SLC44A5: variants seen among roughly 807,000 people sequenced by gnomAD.
SLC44A5 encodes solute carrier family 44 member 5, also known as choline transporter-like protein 5.
SLC44A5 carries 57 observed loss-of-function variants against 101.8 expected under a neutral mutation model. The observed-to-expected ratio is 0.56, with a 90% CI of 0.45 to 0.70. SLC44A5 has a LOEUF of 0.70. Ranked by LOEUF, SLC44A5 falls within the 30% of genes least tolerant of loss-of-function variation. The probability of loss-of-function intolerance (pLI) is 0.00; values close to 1 mark genes in which losing one functional copy is unlikely to be tolerated. For synonymous variants in SLC44A5, 281 were observed against 290.9 expected (o/e 0.97, Z 0.35); for missense variants, 737 against 853.1 (o/e 0.86, Z 1.70).
In SLC44A5 at chr1:75,251,182, A is replaced by G. The variant is rs779872159; in HGVS notation, c.345+28T>C. On this transcript the variant is annotated intron_variant, in intron 7 of 23. Transcript: ENST00000370859. The stretch of plus-strand genomic sequence containing the variant: ...TCCAAGAATGTTCAGAACGGCTGAC[A>G]CTACCAGTGAGGCACCTTTTGCCTT... The G allele has an allele frequency of 4.6e-6, 7 of 1,535,996 alleles. No individual in the cohort carries two copies. In the African/African-American group the frequency reaches 9.5e-5, roughly 21 times the overall value.
chr1:75,690,503 G>T, the SLC44A5 span, among the ~76,000 whole-genome samples: 3 of 152,142 alleles, frequency 2.0e-5, no homozygotes, highest in Admixed American at 6.6e-5. Context: ...CAAGGTGGCT[G>T]CAGAACAATA....
At chr1:75,365,716 G>A (rs1258961206) in intron 3 of SLC44A5, among the ~76,000 whole-genome samples, 3 of 152,152 alleles carry the variant, frequency 2.0e-5, no homozygotes, top group African/African-American at 7.2e-5. Flanking sequence ...CATAAAAAAT[G>A]AGTTCTTGTT....
chr1:75,243,579 G>A (rs1648848251), intron 7 of SLC44A5, among the ~76,000 whole-genome samples: 1 of 152,046 alleles, frequency 6.6e-6, no homozygotes, highest in African/African-American at 2.4e-5. Flanking sequence ...TTGATTTTGA[G>A]ATAATTGTAA....
chr1:75,519,311 A>G (rs1035894428), intron 2 of SLC44A5, among the ~76,000 whole-genome samples: 2 of 152,116 alleles, frequency 1.3e-5, no homozygotes, highest in Admixed American at 6.5e-5. Context: ...TAATCCCAAC[A>G]CTTTGAGAGG....
the SLC44A5 span, among the ~76,000 whole-genome samples, chr1:75,658,888 C>A: frequency 6.6e-6 from 1 of 151,700 alleles, no homozygotes; most frequent in Admixed American, 6.6e-5. Flanking sequence ...TTTAGACTAA[C>A]AAAAACTAAA....
chr1:75,248,053 G>T (rs1649265240), intron 7 of SLC44A5, among the ~76,000 whole-genome samples: 1 of 152,050 alleles, frequency 6.6e-6, no homozygotes, highest in South Asian at 2.1e-4. Flanking sequence ...TAAGCAATTT[G>T]TCTTCTAGTA....
intron 8 of SLC44A5, 43 bp downstream of exon 8, chr1:75,242,843 A>G (rs1197494622): frequency 6.5e-7 from 1 of 1,533,800 alleles, no homozygotes; most frequent in Non-Finnish European, 8.8e-7. Flanking sequence ...GATTGAAAAA[A>G]AAAGTTAAAT....
At chr1:75,715,194 A>G in the SLC44A5 span, among the ~76,000 whole-genome samples, 1 of 152,222 alleles carries the variant, frequency 6.6e-6, no homozygotes, top group African/African-American at 2.4e-5. Flanking sequence ...AGGAAGAATC[A>G]ATATTGTTAG....
intron 3 of SLC44A5, among the ~76,000 whole-genome samples, chr1:75,383,700 G>A (rs996627814): frequency 2.0e-4 from 30 of 152,108 alleles, no homozygotes; most frequent in South Asian, 1.7e-3. Context: ...CAGGAAATAC[G>A]GAGAACGCCA....
the SLC44A5 span, among the ~76,000 whole-genome samples, chr1:75,645,382 G>T: frequency 6.6e-6 from 1 of 152,114 alleles, no homozygotes; most frequent in Non-Finnish European, 1.5e-5. Context: ...GGCCAGTGAT[G>T]ATGAGCATTT....
chr1:75,393,465 G>A (rs1005558721), intron 3 of SLC44A5, among the ~76,000 whole-genome samples: 21 of 152,120 alleles, frequency 1.4e-4, no homozygotes, highest in African/African-American at 5.1e-4. Flanking sequence ...AGTAATATAT[G>A]TTTATGTTAG....
chr1:75,650,699 T>C, the SLC44A5 span, among the ~76,000 whole-genome samples: 1 of 152,220 alleles, frequency 6.6e-6, no homozygotes, highest in South Asian at 2.1e-4. Flanking sequence ...CACAGTTCAC[T>C]GTAGCCTTGA....
At chr1:75,597,153 A>G (rs1352675985) in intron 1 of SLC44A5, among the ~76,000 whole-genome samples, 1 of 148,070 alleles carries the variant, frequency 6.8e-6, no homozygotes, top group Non-Finnish European at 1.5e-5. Context: ...ATGCCACTGC[A>G]CTCCAGCCTG....
intron 6 of SLC44A5, among the ~76,000 whole-genome samples, chr1:75,260,870 TCA>T (rs1333113226): frequency 6.6e-6 from 1 of 152,028 alleles, no homozygotes; most frequent in Non-Finnish European, 1.5e-5. Context: ...ACTAAGAAAC[TCA>T]CTCAAAACTG....
intron 2 of SLC44A5, among the ~76,000 whole-genome samples, chr1:75,529,923 T>C (rs1236222915): frequency 6.6e-6 from 1 of 152,182 alleles, no homozygotes; most frequent in African/African-American, 2.4e-5. Flanking sequence ...GGAAACTGTA[T>C]TGAATCAGAT....
At chr1:75,679,707 A>G in the SLC44A5 span, among the ~76,000 whole-genome samples, 1 of 152,140 alleles carries the variant, frequency 6.6e-6, no homozygotes, top group Middle Eastern at 3.2e-3. Flanking sequence ...GCATCAACTA[A>G]CAAGCAAAAT....
chr1:75,654,865 T>G, the SLC44A5 span, among the ~76,000 whole-genome samples: 3 of 152,206 alleles, frequency 2.0e-5, no homozygotes, highest in African/African-American at 7.2e-5. Context: ...TTCTTTCTAT[T>G]GCTCGAAAGT....
At chr1:75,641,213 A>C in the SLC44A5 span, 22 of 301,500 alleles carry the variant, frequency 7.3e-5, no homozygotes, top group Non-Finnish European at 1.2e-4. Context: ...TAAATATTTT[A>C]TTATATTTGA....
chr1:75,509,501 G>A (rs1004349781), intron 2 of SLC44A5, among the ~76,000 whole-genome samples: 1 of 152,178 alleles, frequency 6.6e-6, no homozygotes, highest in Non-Finnish European at 1.5e-5. Flanking sequence ...AAATAGAATG[G>A]TTACTTTGGA....
Sources: gnomAD v4.1 joint callset for allele counts (sites outside exome capture counted in the v4.1 genomes callset) on GRCh38, gnomAD v4.1.1 for gene constraint, MANE v1.5 for transcripts, NCBI Gene and HGNC (gene_info 2026-07-23, HGNC 2026-07-21) for gene names.